STPG2: variants seen among roughly 807,000 people sequenced by gnomAD.
The protein encoded by STPG2 is sperm tail PG-rich repeat containing 2, also known as sperm-tail PG-rich repeat-containing protein 2.
Under a neutral mutation model 54.2 loss-of-function variants are expected in STPG2, and 56 were observed. The observed-to-expected ratio is 1.03, with a 90% confidence interval of 0.83 to 1.29. The LOEUF (loss-of-function observed/expected upper bound fraction) is 1.29, where lower values mean the gene tolerates loss of function less well. Ranked by LOEUF, STPG2 falls within the 50% of genes most tolerant of loss-of-function variation. STPG2 has a pLI of 0.00. For missense variants in STPG2, 596 were observed against 544.9 expected, an observed-to-expected ratio of 1.09 and a Z score of -0.93; for synonymous variants, 200 against 181.8, an observed-to-expected ratio of 1.10 and a Z score of -0.81.
At chr4:97,794,400 C>T (rs2149083269) in intron 9 of STPG2, among the ~76,000 whole-genome samples, 1 of 152,184 alleles carries the variant, frequency 6.6e-6, no homozygotes, top group South Asian at 2.1e-4. Context: ...AATGCTGACT[C>T]TACAAAGTAT....
chr4:97,718,117 T>A (rs1349215616), intron 9 of STPG2, among the ~76,000 whole-genome samples: 1 of 152,092 alleles, frequency 6.6e-6, no homozygotes, highest in African/African-American at 2.4e-5. Flanking sequence ...AGGCATTCCC[T>A]CTGTCAAGAC....
intron 9 of STPG2, among the ~76,000 whole-genome samples, chr4:97,829,061 C>T (rs772668371): frequency 6.6e-6 from 1 of 152,176 alleles, no homozygotes; most frequent in Non-Finnish European, 1.5e-5. Context: ...TGCCTGACCT[C>T]TGTGTATCCT....
At chr4:97,797,113 T>A (rs1085024) in intron 9 of STPG2, among the ~76,000 whole-genome samples, 24,528 of 152,156 alleles carry the variant, frequency 0.16, 2,146 homozygotes, top group East Asian at 0.36. Flanking sequence ...TTTCTACACA[T>A]ACAATCACGT....
intron 10 of STPG2, among the ~76,000 whole-genome samples, chr4:97,589,235 C>CTGA (rs1733075701): frequency 6.6e-6 from 1 of 150,740 alleles, no homozygotes; most frequent in East Asian, 1.9e-4. Flanking sequence ...TGAATAAAAT[C>CTGA]ACCAAAAAAA....
intron 10 of STPG2, among the ~76,000 whole-genome samples, chr4:97,596,601 G>T (rs1733300182): frequency 6.6e-6 from 1 of 151,970 alleles, no homozygotes; most frequent in South Asian, 2.1e-4. Flanking sequence ...GAAATAGATA[G>T]TAAGAAGATT....
At chr4:97,864,642 T>C (rs1241634061) in intron 8 of STPG2, among the ~76,000 whole-genome samples, 1 of 152,198 alleles carries the variant, frequency 6.6e-6, no homozygotes, top group Non-Finnish European at 1.5e-5. Context: ...AAGTCAATCC[T>C]AAGCCAAAAG....
At chr4:98,035,071 T>G (rs963205019) in intron 5 of STPG2, among the ~76,000 whole-genome samples, 2 of 152,096 alleles carry the variant, frequency 1.3e-5, no homozygotes, top group Non-Finnish European at 2.9e-5. Flanking sequence ...CCAAAAGCAA[T>G]GGCAACAAAA....
chr4:97,965,056 G>A (rs557905759), intron 7 of STPG2, among the ~76,000 whole-genome samples: 25 of 152,320 alleles, frequency 1.6e-4, no homozygotes, highest in South Asian at 1.0e-3. Flanking sequence ...CCCAGGAAGC[G>A]CAAGAGGTTG....
intron 10 of STPG2, among the ~76,000 whole-genome samples, chr4:97,615,303 A>G (rs1485170634): frequency 6.6e-6 from 1 of 152,172 alleles, no homozygotes; most frequent in Non-Finnish European, 1.5e-5. Flanking sequence ...AGATCCATGC[A>G]TAGTTTTTTC....
chr4:97,478,764 G>A (rs1265065403), intron 4 of STPG2, among the ~76,000 whole-genome samples: 1 of 151,816 alleles, frequency 6.6e-6, no homozygotes, highest in Non-Finnish European at 1.5e-5. Context: ...AAATGAGGAA[G>A]GGCTTGTTAA....
At chr4:97,542,646 T>A (rs1731741226) in intron 4 of STPG2, among the ~76,000 whole-genome samples, 1 of 152,192 alleles carries the variant, frequency 6.6e-6, no homozygotes, top group African/African-American at 2.4e-5. Flanking sequence ...ATATAAATCA[T>A]GTTGCTATAA....
At chr4:97,552,895 C>A (rs1307144300) in intron 4 of STPG2, among the ~76,000 whole-genome samples, 7 of 152,124 alleles carry the variant, frequency 4.6e-5, no homozygotes, top group Admixed American at 4.6e-4. Context: ...ATACTAGGCC[C>A]TGAGTCCTGA....
chr4:97,942,093 G>T (rs1733004687), intron 8 of STPG2, among the ~76,000 whole-genome samples: 1 of 151,072 alleles, frequency 6.6e-6, no homozygotes, highest in Non-Finnish European at 1.5e-5. Context: ...TCACTACAAA[G>T]TTTAACATAT....
intron 5 of STPG2, among the ~76,000 whole-genome samples, chr4:98,033,780 T>G (rs183581935): frequency 1.5e-3 from 230 of 152,322 alleles, no homozygotes; most frequent in African/African-American, 5.4e-3. Context: ...ATCCCTGGGA[T>G]GCAAAGCTGA....
chr4:98,100,156 C>A (rs1402172686), intron 5 of STPG2, among the ~76,000 whole-genome samples: 2 of 151,820 alleles, frequency 1.3e-5, no homozygotes, highest in East Asian at 3.9e-4. Flanking sequence ...AGAAAAAAAA[C>A]CCAAGAATTA....
At chr4:98,006,407 G>A (rs1186899855) in intron 5 of STPG2, among the ~76,000 whole-genome samples, 1 of 152,192 alleles carries the variant, frequency 6.6e-6, no homozygotes, top group Non-Finnish European at 1.5e-5. Flanking sequence ...GTGAGAGACT[G>A]TGAGAAGTGA....
intron 8 of STPG2, among the ~76,000 whole-genome samples, chr4:97,863,794 A>T (rs1310604177): frequency 6.6e-6 from 1 of 152,218 alleles, no homozygotes; most frequent in African/African-American, 2.4e-5. Flanking sequence ...CTGGTTCAAC[A>T]TACACAAATC....
chr4:97,546,734 C>T (rs1731841696), intron 4 of STPG2, among the ~76,000 whole-genome samples: 1 of 152,126 alleles, frequency 6.6e-6, no homozygotes, highest in Non-Finnish European at 1.5e-5. Context: ...AAATAGATAT[C>T]ATTGAAAAGC....
intron 8 of STPG2, among the ~76,000 whole-genome samples, chr4:97,841,327 C>G (rs1728795958): frequency 6.6e-6 from 1 of 151,614 alleles, no homozygotes. Context: ...TTTACTTATT[C>G]TACAAAATGA....
Sources: allele counts gnomAD v4.1 joint callset (sites outside exome capture counted in the v4.1 genomes callset), GRCh38; gene constraint gnomAD v4.1.1; transcripts MANE v1.5; gene names NCBI Gene and HGNC (gene_info 2026-07-23, HGNC 2026-07-21).